TM9SF4: variants seen among roughly 807,000 people sequenced by gnomAD.
TM9SF4 encodes dinucleotide oxidase disulfide thiol exchanger 3 superfamily member 4.
TM9SF4 carries 26 observed loss-of-function variants against 90.4 expected under a neutral mutation model. The ratio of observed to expected loss-of-function variants is 0.29; its 90% CI spans 0.21 to 0.40. The LOEUF (loss-of-function observed/expected upper bound fraction) is 0.40. Ranked by LOEUF, TM9SF4 falls within the 10% of genes least tolerant of loss-of-function variation. The probability of loss-of-function intolerance (pLI) is 1.00; values close to 1 mark genes in which losing one functional copy is unlikely to be tolerated. For synonymous variants in TM9SF4, 293 were observed against 315.4 expected, an observed-to-expected ratio of 0.93 and a Z score of 0.75; for missense variants, 549 against 834.8, an observed-to-expected ratio of 0.66 and a Z score of 4.22.
intron 1 of TM9SF4, among the ~76,000 whole-genome samples, chr20:32,128,978 A>G (rs1304843061): frequency 6.6e-6 from 1 of 152,120 alleles, no homozygotes; most frequent in African/African-American, 2.4e-5. Flanking sequence ...CAGAACAGTG[A>G]TGTTTTCTTT....
intron 6 of TM9SF4, 48 bp downstream of exon 6, chr20:32,143,153 C>T: frequency 1.2e-6 from 2 of 1,600,348 alleles, no homozygotes; most frequent in East Asian, 2.3e-5. Context: ...TGGGCCTGGG[C>T]TTCTCCACGC....
intron 16 of TM9SF4, chr20:32,161,011 G>T: frequency 4.0e-6 from 1 of 247,888 alleles, no homozygotes; most frequent in Non-Finnish European, 7.6e-6. Flanking sequence ...GCATTTGCTC[G>T]AGAAATGTTA....
chr20:32,165,578 TG>T lies in TM9SF4; in HGVS notation c.*138del. ...CTCCTGGCACAGTGTTCCTGGATCCTGGGGCTGCGTGGGGGGCGGGAGGGCC... is the reference window on the plus strand; with the variant it reads ...CTCCTGGCACAGTGTTCCTGGATCCTGGGCTGCGTGGGGGGCGGGAGGGCC... On this transcript the variant is annotated 3_prime_UTR_variant, in exon 18 of 18. Coordinates refer to ENST00000398022, the MANE Select transcript of TM9SF4 (RefSeq NM_014742.4). 1 of 920,800 alleles carries T rather than the reference TG, an allele frequency of 1.1e-6. No homozygotes were observed. The highest frequency in any genetic ancestry group is 1.6e-6 in the Non-Finnish European group (1 of 617,920). 57.0% of individuals were successfully genotyped at this position (920,800 alleles called of 1,614,324 possible).
chr20:32,158,021 C>T (rs1314146138), intron 14 of TM9SF4, 52 bp downstream of exon 14: 2 of 1,600,188 alleles, frequency 1.2e-6, no homozygotes, highest in Admixed American at 1.7e-5. Context: ...AGGGTACGCC[C>T]CCCTCCGCCA....
chr20:32,116,991 G>A (rs1330925941), intron 1 of TM9SF4, among the ~76,000 whole-genome samples: 6 of 150,562 alleles, frequency 4.0e-5, no homozygotes, highest in Non-Finnish European at 7.4e-5. Context: ...AAATGCCGAG[G>A]TCGGAGTGGG....
Position 32,128,790 on chromosome 20 carries a change from C to CTGTGTGTGTGTGTGTG in TM9SF4, c.16-4201_16-4186dup, listed in dbSNP as rs55977888. Among the ~76,000 whole-genome samples the CTGTGTGTGTGTGTGTG allele has an allele frequency of 4.1e-3, 592 of 145,354 alleles. 1 individual carries two copies. The highest frequency in any genetic ancestry group is 0.016 in the East Asian group (78 of 4,896). On this transcript the variant is annotated intron_variant, in intron 1 of 17. Transcript: ENST00000398022. ...TTTTATGGCTGAAGAGTATTCCATT[C>CTGTGTGTGTGTGTGTG]TGTGTGTGTGTGTGTGTGTGTGTGT...
chr20:32,116,830 CT>C (rs1229014593), intron 1 of TM9SF4, among the ~76,000 whole-genome samples: 5,525 of 70,186 alleles, frequency 0.079, 226 homozygotes, highest in African/African-American at 0.18. Flanking sequence ...AAGCCTTTTT[CT>C]TTTTTTTTTT....
intron 12 of TM9SF4, among the ~76,000 whole-genome samples, chr20:32,152,060 TG>T (rs1431617734): frequency 6.6e-6 from 1 of 150,658 alleles, no homozygotes; most frequent in Non-Finnish European, 1.5e-5. Context: ...TTAGTAGAGA[TG>T]GGGTTTCACC....
At chr20:32,146,707 A>G in intron 8 of TM9SF4, 78 bp from the exon 9 acceptor site, 3 of 1,442,748 alleles carry the variant, frequency 2.1e-6, no homozygotes, top group Non-Finnish European at 1.9e-6. Flanking sequence ...ACAGTAAAAC[A>G]TCATGTCTAG....
Position 32,150,120 on chromosome 20 carries a change from A to G in TM9SF4, c.1087+354A>G, listed in dbSNP as rs560451063. 3.9e-5 allele frequency among the ~76,000 whole-genome samples: 6 copies of G among 152,322 alleles called. No homozygotes were observed. In the South Asian group the frequency reaches 1.0e-3, roughly 26 times the overall value. On this transcript the variant is annotated intron_variant, in intron 10 of 17. Transcript: ENST00000398022. ...AAATCAAATATTTTTTTCTTTAACA[A>G]AAACCCCACTAATATATAGTAATTT...
rs1361925765 is a variant in TM9SF4, at chr20:32,166,670, G to A, written c.*1226G>A. The A allele has an allele frequency of 2.0e-5, 3 of 152,250 alleles. No homozygotes were observed. The highest frequency in any genetic ancestry group is 7.2e-5 in the African/African-American group (3 of 41,454). 9.4% of individuals were successfully genotyped at this position (152,250 alleles called of 1,614,324 possible). On this transcript the variant is annotated 3_prime_UTR_variant, in exon 18 of 18. Coordinates refer to ENST00000398022, the MANE Select transcript of TM9SF4 (RefSeq NM_014742.4). Reference sequence around the variant, plus strand: ...GGACAAGAAGCCAACTTAGAAAGAAGGGTCTCACGTGGCTGGCCTGGCTCC... The same window carrying A: ...GGACAAGAAGCCAACTTAGAAAGAAAGGTCTCACGTGGCTGGCCTGGCTCC...
Position 32,111,690 on chromosome 20 carries a change from GTCT to G in TM9SF4, c.15+1939_15+1941del, listed in dbSNP as rs377147910. ...CTTTGGATTGAGTGGTCAGAAAGAA[GTCT>G]TCTCAGAGGAGGTGACTTGAGTTAA... On this transcript the variant is annotated intron_variant, in intron 1 of 17. Transcript: ENST00000398022. Among the ~76,000 whole-genome samples the G allele has an allele frequency of 3.6e-3, 547 of 152,318 alleles. 3 individuals carry two copies. The highest frequency in any genetic ancestry group is 0.013 in the African/African-American group (524 of 41,574).
intron 12 of TM9SF4, among the ~76,000 whole-genome samples, chr20:32,154,416 AT>A (rs2046887636): frequency 6.6e-6 from 1 of 151,162 alleles, no homozygotes; most frequent in African/African-American, 2.4e-5. Flanking sequence ...CAAAAAAAAA[AT>A]TTTTTTACAT....
At chr20:32,162,800 G>A (rs1185016706) in intron 17 of TM9SF4, among the ~76,000 whole-genome samples, 1 of 151,700 alleles carries the variant, frequency 6.6e-6, no homozygotes, top group East Asian at 1.9e-4. Context: ...CTCCTCTATA[G>A]CCCATATTAA....
Position 32,109,721 on chromosome 20 carries a change from C to T in TM9SF4, c.-20C>T, listed in dbSNP as rs1054196213. The stretch of plus-strand genomic sequence containing the variant: ...AGCACCACTTCCGCTGACGTCATTA[C>T]GGCGACACGTGGATCCAAGATGGCG... On this transcript the variant is annotated 5_prime_UTR_variant, in exon 1 of 18. In the 5' UTR this introduces an upstream ATG that the reference lacks. Coordinates refer to ENST00000398022, the MANE Select transcript of TM9SF4 (RefSeq NM_014742.4). 6 of 1,551,640 alleles carry T rather than the reference C, an allele frequency of 3.9e-6. No homozygotes were observed. The highest frequency in any genetic ancestry group is 2.0e-5 in the Admixed American group (1 of 51,014).
In TM9SF4 at chr20:32,109,737, C is replaced by G. The variant is rs2046110502; in HGVS notation, c.-4C>G. 1 of 1,551,512 alleles carries G rather than the reference C, an allele frequency of 6.4e-7. No homozygotes were observed. Among genetic ancestry groups the G allele is most frequent in the Non-Finnish European group, 8.7e-7 (1 of 1,146,996 alleles). ...ACGTCATTACGGCGACACGTGGATC[C>G]AAGATGGCGACGGCGATGGTGAGTG... On this transcript the variant is annotated 5_prime_UTR_variant, in exon 1 of 18. Transcript: ENST00000398022.
At chr20:32,158,026 C>A (rs2046955647) in intron 14 of TM9SF4, 57 bp downstream of exon 14, 1 of 1,597,388 alleles carries the variant, frequency 6.3e-7, no homozygotes, top group Non-Finnish European at 8.6e-7. Context: ...ACGCCCCCCT[C>A]CGCCACCAGA....
Position 32,149,652 on chromosome 20 carries a change from T to G in TM9SF4, c.973T>G (p.Ser325Ala). 1 of 1,613,666 alleles carries G rather than the reference T, an allele frequency of 6.2e-7. No individual in the cohort carries two copies. The highest frequency in any genetic ancestry group is 8.5e-7 in the Non-Finnish European group (1 of 1,179,946). ...GCTGCAGGAAGACACCATGGAGGAG[T>G]CTGGGTGGAAGTTGGTGCACGGCGA... Reference protein sequence around the residue: ...EDDIEDTMEESGWKLVHGDVF... With the variant: ...EDDIEDTMEEAGWKLVHGDVF... Residue 325 changes from serine to alanine, a missense_variant, in exon 10 of 18, where the codon TCT (serine) becomes GCT (alanine). Transcript: ENST00000398022.
chr20:32,109,929 C>G, intron 1 of TM9SF4, 174 bp downstream of exon 1: 1 of 1,446,458 alleles, frequency 6.9e-7, no homozygotes, highest in East Asian at 2.5e-5. Context: ...TGGCCCTGCC[C>G]CTGCACTCAG....
Sources: allele counts gnomAD v4.1 joint callset (sites outside exome capture counted in the v4.1 genomes callset), GRCh38; gene constraint gnomAD v4.1.1; transcripts MANE v1.5; gene names NCBI Gene and HGNC (gene_info 2026-07-23, HGNC 2026-07-21).